The following ARFGEF1 variants were observed in gnomAD, a reference collection of about 807,000 sequenced individuals.
ARFGEF1 encodes the protein brefeldin A-inhibited guanine nucleotide-exchange protein 1.
Under a neutral mutation model 231.0 loss-of-function variants are expected in ARFGEF1, and 42 were observed. The observed-to-expected ratio is 0.18, with a 90% CI of 0.14 to 0.24. ARFGEF1 has a LOEUF of 0.24. ARFGEF1 is among the 10% of genes least tolerant of loss of function. ARFGEF1 has a pLI of 1.00. For missense variants in ARFGEF1, 1,345 were observed against 2,192.0 expected (o/e 0.61, Z 7.72); for synonymous variants, 710 against 732.3 (o/e 0.97, Z 0.49).
At chr8:67,235,175 A>G (rs1050801246) in intron 22 of ARFGEF1, among the ~76,000 whole-genome samples, 8 of 150,296 alleles carry the variant, frequency 5.3e-5, no homozygotes, top group African/African-American at 1.7e-4. Context: ...CATTAATAAT[A>G]AAATATTTAA....
In ARFGEF1 at chr8:67,343,292, G is replaced by A. The variant is rs370736204; in HGVS notation, c.-5C>T. Reference sequence around the variant, plus strand: ...CGTCTTCTTCCCCTCATACATGGACGCAGAGAAGGAGGCGGCGGCTCGTCC... The same window carrying A: ...CGTCTTCTTCCCCTCATACATGGACACAGAGAAGGAGGCGGCGGCTCGTCC... On this transcript the variant is annotated 5_prime_UTR_variant, in exon 1 of 39. Transcript: ENST00000262215. The A allele has an allele frequency of 8.1e-6, 13 of 1,612,250 alleles. No individual in the cohort carries two copies. The highest frequency in any genetic ancestry group is 6.7e-5 in the African/African-American group (5 of 74,872).
intron 29 of ARFGEF1, among the ~76,000 whole-genome samples, chr8:67,220,718 C>T (rs868585666): frequency 6.6e-6 from 1 of 152,180 alleles, no homozygotes; most frequent in African/African-American, 2.4e-5. Flanking sequence ...AAGGCTCCCT[C>T]GTCCTCCATC....
At chr8:67,288,863 T>C (rs559369425) in intron 6 of ARFGEF1, among the ~76,000 whole-genome samples, 26 of 152,274 alleles carry the variant, frequency 1.7e-4, no homozygotes, top group African/African-American at 6.3e-4. Flanking sequence ...CCCTTCCTAT[T>C]TTTTCACCAA....
intron 3 of ARFGEF1, among the ~76,000 whole-genome samples, chr8:67,300,171 G>A (rs541737182): frequency 6.6e-6 from 1 of 152,190 alleles, no homozygotes; most frequent in East Asian, 1.9e-4. Context: ...GTATACCCTG[G>A]AAGGAAGGCT....
rs760240564 is a variant in ARFGEF1, at chr8:67,238,897, T to C, written c.2980-4A>G. 1.2e-6 allele frequency: 2 copies of C among 1,611,478 alleles called. No homozygotes were observed. The highest frequency in any genetic ancestry group is 1.3e-5 in the African/African-American group (1 of 74,912). On this transcript the variant is annotated splice_region_variant and splice_polypyrimidine_tract_variant and intron_variant, in intron 20 of 38. Transcript: ENST00000262215. ...GGACATATGCATCTCTCTCCAGCTA[T>C]AAAAAAGAGAAAAGTATGTTTACAC...
intron 37 of ARFGEF1, 69 bp from the exon 38 acceptor site, chr8:67,200,582 G>T: frequency 1.1e-6 from 1 of 947,522 alleles, no homozygotes. Context: ...CCGAGAAAGA[G>T]CAATCATGAA....
intron 1 of ARFGEF1, among the ~76,000 whole-genome samples, chr8:67,342,103 T>C (rs1055557897): frequency 1.3e-5 from 2 of 152,234 alleles, no homozygotes; most frequent in Non-Finnish European, 2.9e-5. Context: ...AGAATGCTTT[T>C]TTGTAAAGCC....
chr8:67,281,792 GGAATAGA>G (rs1805546644), intron 7 of ARFGEF1, among the ~76,000 whole-genome samples: 1 of 151,652 alleles, frequency 6.6e-6, no homozygotes, highest in Admixed American at 6.6e-5. Flanking sequence ...ATTAAATTAG[GGAATAGA>G]GAAGAAAGGA....
At position 67,296,528 on chromosome 8, in the gene ARFGEF1, A is replaced by G; in HGVS notation, c.542T>C (p.Ile181Thr). 1 of 1,613,930 alleles carries G rather than the reference A, an allele frequency of 6.2e-7. No individual in the cohort carries two copies. Among genetic ancestry groups the G allele is most frequent in the Non-Finnish European group, 8.5e-7 (1 of 1,179,976 alleles). The part of the protein sequence containing the change: ...VLQAVRTCYN[I>T]YLASKNLINQ... ...GATGAGATTTTTGCTTGCTAAGTAGATATTGTAACATGTTCTCACAGCTTG... is the reference window on the plus strand; with the variant it reads ...GATGAGATTTTTGCTTGCTAAGTAGGTATTGTAACATGTTCTCACAGCTTG... The change falls in exon 5 of 39, where the codon ATC (isoleucine) becomes ACC (threonine). Residue 181 changes from isoleucine to threonine, a missense_variant. Around this residue, in one of 14 missense-constraint regions of ARFGEF1, gnomAD observed 398 missense variants for 463.2 expected, o/e 0.86. Transcript: ENST00000262215.
intron 5 of ARFGEF1, among the ~76,000 whole-genome samples, chr8:67,189,152 T>C (rs1401476239): frequency 6.6e-6 from 1 of 152,224 alleles, no homozygotes; most frequent in African/African-American, 2.4e-5. Context: ...ATAGGAACTC[T>C]CATTCATTGC....
chr8:67,339,185 C>T (rs1808484681), intron 1 of ARFGEF1, among the ~76,000 whole-genome samples: 1 of 151,998 alleles, frequency 6.6e-6, no homozygotes, highest in African/African-American at 2.4e-5. Context: ...AAATTCATAC[C>T]CTGTCTGATG....
Position 67,323,215 on chromosome 8 carries a change from G to A in ARFGEF1, c.124+19949C>T, listed in dbSNP as rs112337150. On this transcript the variant is annotated intron_variant, in intron 1 of 38. Coordinates refer to ENST00000262215, the MANE Select transcript of ARFGEF1 (RefSeq NM_006421.5). The stretch of plus-strand genomic sequence containing the variant: ...TGCAGTGAGCAGACATCGCGCCACT[G>A]CACTCCAGCCTGAGTGACACAGCAA... Among the ~76,000 whole-genome samples the A allele has an allele frequency of 6.6e-3, 1,012 of 152,234 alleles. 5 individuals carry two copies. Among genetic ancestry groups the A allele is most frequent in the Non-Finnish European group, 0.012 (796 of 68,022 alleles).
chr8:67,311,403 C>A lies in ARFGEF1; in HGVS notation c.125-8937G>T, dbSNP rs1163481914. On this transcript the variant is annotated intron_variant, in intron 1 of 38. Transcript: ENST00000262215. ...CCCTCTGCCCAGCCAGCCGCCCCGTCCGGGAGGGAGGTGGGGGGTCAGCCC... is the reference window on the plus strand; with the variant it reads ...CCCTCTGCCCAGCCAGCCGCCCCGTACGGGAGGGAGGTGGGGGGTCAGCCC... Among the ~76,000 whole-genome samples, 4 of 135,440 alleles carry A rather than the reference C, an allele frequency of 3.0e-5. No individual in the cohort carries two copies. The East Asian group carries it at 9.7e-4, about 33-fold the overall frequency. The allele number at this position is 135,440 out of a possible 152,430, so 88.9% of individuals were successfully genotyped here.
At chr8:67,278,727 T>A (rs988611080) in intron 7 of ARFGEF1, among the ~76,000 whole-genome samples, 1 of 151,942 alleles carries the variant, frequency 6.6e-6, no homozygotes, top group Non-Finnish European at 1.5e-5. Flanking sequence ...GTGCCTATAA[T>A]CCCAGCTACT....
At chr8:67,237,344 TG>T (rs1839801604) in intron 22 of ARFGEF1, among the ~76,000 whole-genome samples, 1 of 152,240 alleles carries the variant, frequency 6.6e-6, no homozygotes, top group Non-Finnish European at 1.5e-5. Context: ...CAGACTGCAT[TG>T]CTAGCTGCTT....
intron 29 of ARFGEF1, among the ~76,000 whole-genome samples, chr8:67,221,366 T>A (rs1839150737): frequency 6.6e-6 from 1 of 152,168 alleles, no homozygotes; most frequent in Non-Finnish European, 1.5e-5. Context: ...GACCTTCCAA[T>A]GGCGTAAGAT....
chr8:67,183,325 A>G (rs1833510844), intron 5 of ARFGEF1, among the ~76,000 whole-genome samples: 1 of 152,224 alleles, frequency 6.6e-6, no homozygotes, highest in South Asian at 2.1e-4. Flanking sequence ...AGACAACTTC[A>G]TTAACAACAG....
chr8:67,272,943 A>C (rs1418901312), intron 9 of ARFGEF1, among the ~76,000 whole-genome samples: 1 of 151,968 alleles, frequency 6.6e-6, no homozygotes, highest in Non-Finnish European at 1.5e-5. Context: ...CCCTGTCTGT[A>C]CTAAAAATAC....
At chr8:67,288,092 A>T (rs368924781) in intron 6 of ARFGEF1, 27 bp from the exon 7 acceptor site, 223 of 1,482,942 alleles carry the variant, frequency 1.5e-4, no homozygotes, top group Non-Finnish European at 2.0e-4. Flanking sequence ...ATTCAACAGA[A>T]CATTATTTTA....
Sources: gnomAD v4.1 joint callset for allele counts (sites outside exome capture counted in the v4.1 genomes callset) on GRCh38, gnomAD v4.1.1 for gene constraint, gnomAD v4.1.1 regional missense constraint, MANE v1.5 for transcripts, NCBI Gene and HGNC (gene_info 2026-07-23, HGNC 2026-07-21) for gene names.